The following CLGN variants were observed in gnomAD, a reference collection of about 807,000 sequenced individuals.
The protein encoded by CLGN is calmegin.
Under a neutral mutation model 79.1 loss-of-function variants are expected in CLGN, and 62 were observed. The observed-to-expected ratio is 0.78, with a 90% CI of 0.64 to 0.97. The LOEUF is 0.97. Among genes scored for constraint, CLGN ranks in the 50% least tolerant of loss-of-function variants. The probability of loss-of-function intolerance (pLI) is 0.00; values close to 1 mark genes in which losing one functional copy is unlikely to be tolerated. For missense variants in CLGN, 647 were observed against 715.5 expected (o/e 0.90, Z 1.09); for synonymous variants, 225 against 224.7 (o/e 1.00, Z -0.01).
intron 5 of CLGN, among the ~76,000 whole-genome samples, 153 bp downstream of exon 5, chr4:140,405,789 G>A (rs1035268423): frequency 1.6e-4 from 25 of 152,172 alleles, no homozygotes; most frequent in African/African-American, 5.8e-4. Context: ...GCATGGATAT[G>A]TTTGTGTGTA....
At chr4:140,404,667 T>A (rs1729065221) in intron 5 of CLGN, among the ~76,000 whole-genome samples, 1 of 151,998 alleles carries the variant, frequency 6.6e-6, no homozygotes, top group African/African-American at 2.4e-5. Flanking sequence ...TTCTTTCTTT[T>A]TTTTTGAGGC....
At chr4:140,396,879 ATATATATATATG>A (rs1203982478) in intron 8 of CLGN, among the ~76,000 whole-genome samples, 1 of 65,830 alleles carries the variant, frequency 1.5e-5, no homozygotes, top group African/African-American at 6.6e-5. Flanking sequence ...ATATACATAT[ATATATATATATG>A]TATATATATA....
In CLGN at chr4:140,413,083, A is replaced by G. The variant is rs1560746436; in HGVS notation, c.-5T>C. The G allele has an allele frequency of 6.2e-7, 1 of 1,604,824 alleles. No individual in the cohort carries two copies. The highest frequency in any genetic ancestry group is 1.7e-5 in the Admixed American group (1 of 57,300). ...CCAAAAGGCTTGGAAATGCATATTG[A>G]TTATCTGTGAAATTAAAAGTAATTA... On this transcript the variant is annotated 5_prime_UTR_variant, in exon 2 of 15. Coordinates refer to ENST00000325617, the MANE Select transcript of CLGN (RefSeq NM_004362.3).
At chr4:140,393,363 T>C (rs1303712784) in intron 11 of CLGN, among the ~76,000 whole-genome samples, 1 of 152,084 alleles carries the variant, frequency 6.6e-6, no homozygotes, top group Admixed American at 6.5e-5. Flanking sequence ...TGTTGAAATA[T>C]TTAGCCCAAC....
At position 140,392,275 on chromosome 4, in the gene CLGN, T is replaced by G. The variant is rs116522247; in HGVS notation, c.1595A>C (p.Lys532Thr). Residue 532 changes from lysine to threonine, a missense_variant, in exon 13 of 15, where the codon AAA (lysine) becomes ACA (threonine). Transcript: ENST00000325617. The part of the protein sequence containing the change: ...EEKEEKAALE[K>T]PMDLEEEKKQ... ...TTTTTCCTCTTCCAGGTCCATTGGT[T>G]TTTCCAGGGCTGCTTTCTCTTCCTT... The G allele has an allele frequency of 2.7e-4, 441 of 1,613,562 alleles. 3 individuals carry two copies. In the African/African-American group the frequency reaches 5.2e-3, roughly 19 times the overall value.
At chr4:140,396,314 G>C in intron 8 of CLGN, 109 bp from the exon 9 acceptor site, 1 of 971,366 alleles carries the variant, frequency 1.0e-6, no homozygotes, top group South Asian at 1.5e-5. Flanking sequence ...GTTTGTGCCT[G>C]TTATTTGTCC....
chr4:140,394,992 AC>A (rs1343115298), intron 10 of CLGN, among the ~76,000 whole-genome samples: 3 of 152,004 alleles, frequency 2.0e-5, no homozygotes, highest in African/African-American at 4.8e-5. Flanking sequence ...AGCCTGACCA[AC>A]ATGTGAAACC....
intron 1 of CLGN, among the ~76,000 whole-genome samples, chr4:140,425,622 C>CTTTTTTTTTTTTTTTTTTTTTTTT (rs60198755): frequency 1.0e-5 from 1 of 97,192 alleles, no homozygotes; most frequent in Admixed American, 1.4e-4. Flanking sequence ...TTTGTAATTC[C>CTTTTTTTTTTTTTTTTTTTTTTTT]TTTTTTTTTT....
chr4:140,393,628 T>C (rs999444780), intron 11 of CLGN, among the ~76,000 whole-genome samples, 198 bp downstream of exon 11: 6 of 152,168 alleles, frequency 3.9e-5, no homozygotes, highest in African/African-American at 1.4e-4. Flanking sequence ...GACTTACATA[T>C]GCATATATAG....
At chr4:140,399,509 TAA>T (rs1024407217) in intron 7 of CLGN, among the ~76,000 whole-genome samples, 1 of 152,232 alleles carries the variant, frequency 6.6e-6, no homozygotes, top group Admixed American at 6.5e-5. Context: ...AATTATTTCA[TAA>T]AGATATTTAT....
chr4:140,390,294 T>A (rs1417495447), intron 14 of CLGN, among the ~76,000 whole-genome samples: 1 of 151,820 alleles, frequency 6.6e-6, no homozygotes, highest in African/African-American at 2.4e-5. Flanking sequence ...ATTATAATAA[T>A]GATAATTATC....
At chr4:140,426,476 T>C (rs190572637) in intron 1 of CLGN, among the ~76,000 whole-genome samples, 378 of 152,360 alleles carry the variant, frequency 2.5e-3, no homozygotes, top group African/African-American at 8.8e-3. Flanking sequence ...GATCTAAATG[T>C]TACTGGAAGA....
intron 2 of CLGN, among the ~76,000 whole-genome samples, chr4:140,412,132 C>T (rs1560745957): frequency 1.3e-5 from 2 of 152,064 alleles, no homozygotes; most frequent in African/African-American, 4.8e-5. Flanking sequence ...ATTGTCCTTA[C>T]AGAGCTTCAA....
chr4:140,409,478 C>T (rs1175861181), intron 4 of CLGN, among the ~76,000 whole-genome samples: 2 of 152,000 alleles, frequency 1.3e-5, no homozygotes, highest in African/African-American at 4.8e-5. Flanking sequence ...GAGAATCTTA[C>T]CATAAATTAT....
intron 1 of CLGN, among the ~76,000 whole-genome samples, chr4:140,420,796 T>C (rs1362260668): frequency 6.6e-6 from 1 of 152,154 alleles, no homozygotes; most frequent in Non-Finnish European, 1.5e-5. Context: ...CTCTGAGAGG[T>C]CAGATGCTGG....
chr4:140,417,933 A>G (rs1351523041), intron 1 of CLGN, among the ~76,000 whole-genome samples: 3 of 151,812 alleles, frequency 2.0e-5, no homozygotes, highest in African/African-American at 2.4e-5. Flanking sequence ...GAGGCATCAC[A>G]CTACCTGACT....
At chr4:140,390,192 C>G (rs538574619) in intron 14 of CLGN, among the ~76,000 whole-genome samples, 1 of 151,690 alleles carries the variant, frequency 6.6e-6, no homozygotes, top group Non-Finnish European at 1.5e-5. Context: ...CCCTATCAGG[C>G]AGATAGTACT....
intron 2 of CLGN, among the ~76,000 whole-genome samples, chr4:140,410,955 T>A (rs1283636156): frequency 1.3e-5 from 2 of 152,044 alleles, no homozygotes; most frequent in Non-Finnish European, 2.9e-5. Flanking sequence ...ATGAAAAGCA[T>A]GTAAGATGTA....
chr4:140,410,615 C>T lies in CLGN; in HGVS notation c.156G>A (p.Lys52=), dbSNP rs752662489. The T allele has an allele frequency of 6.3e-7, 1 of 1,581,736 alleles. No homozygotes were observed. Among genetic ancestry groups the T allele is most frequent in the South Asian group, 1.1e-5 (1 of 89,466 alleles). ...ATACTTCTCCTATAGGTTGAGGTGT[C>T]TTATATTTAATCTAGAAAAGAGATT... ...ESELSSEIKY[K]TPQPIGEVYF... Residue 52 remains lysine, a synonymous_variant, in exon 3 of 15, where the codon AAG becomes AAA. Transcript: ENST00000325617.
Sources: gnomAD v4.1 joint callset for allele counts (sites outside exome capture counted in the v4.1 genomes callset) on GRCh38, gnomAD v4.1.1 for gene constraint, MANE v1.5 for transcripts, NCBI Gene and HGNC (gene_info 2026-07-23, HGNC 2026-07-21) for gene names.